Variants in C10orf53 observed in about 807,000 individuals in gnomAD.
C10orf53 encodes UPF0728 protein C10orf53.
C10orf53 carries 8 observed loss-of-function variants against 9.4 expected under a neutral mutation model. That is an observed-to-expected ratio of 0.85 (90% CI 0.50 to 1.53). C10orf53 has a LOEUF of 1.53. C10orf53 is among the 40% of genes most tolerant of loss of function. C10orf53 has a pLI of 0.00. For missense variants in C10orf53, 117 were observed against 117.8 expected, an observed-to-expected ratio of 0.99 and a Z score of 0.03; for synonymous variants, 48 against 46.0, an observed-to-expected ratio of 1.04 and a Z score of -0.18.
downstream of C10orf53, among the ~76,000 whole-genome samples, chr10:49,701,174 T>A (rs771435644): frequency 1.4e-4 from 21 of 152,124 alleles, no homozygotes; most frequent in Non-Finnish European, 2.1e-4. Flanking sequence ...CTCAAATGCG[T>A]CTCTTGAGAG....
intron 1 of C10orf53, among the ~76,000 whole-genome samples, chr10:49,692,024 G>A (rs564986970): frequency 6.6e-6 from 1 of 152,318 alleles, no homozygotes; most frequent in Admixed American, 6.5e-5. Flanking sequence ...ATGCAGCTCC[G>A]CCGTCCTGAG....
downstream of C10orf53, among the ~76,000 whole-genome samples, chr10:49,702,159 C>T (rs1177380138): frequency 6.6e-6 from 1 of 150,672 alleles, no homozygotes; most frequent in Non-Finnish European, 1.5e-5. Context: ...ATTGCACCAC[C>T]TCACTCCAGC....
At chr10:49,683,216 C>T (rs1275691113) in intron 1 of C10orf53, among the ~76,000 whole-genome samples, 1 of 152,190 alleles carries the variant, frequency 6.6e-6, no homozygotes, top group Non-Finnish European at 1.5e-5. Context: ...TTAATTACAG[C>T]CATCGCAGTA....
At chr10:49,703,726 G>A (rs1026998866) in intron 2 of C10orf53, among the ~76,000 whole-genome samples, 6 of 152,044 alleles carry the variant, frequency 3.9e-5, no homozygotes, top group East Asian at 1.9e-4. Flanking sequence ...CCTTCCTCCC[G>A]CTGGATATAA....
intron 1 of C10orf53, among the ~76,000 whole-genome samples, chr10:49,680,356 G>A (rs1463482786): frequency 6.6e-6 from 1 of 152,166 alleles, no homozygotes. Flanking sequence ...TAGCCATAAT[G>A]GGAGGGGAGA....
chr10:49,694,078 T>G, intron 2 of C10orf53, 185 bp downstream of exon 2: 4 of 760,860 alleles, frequency 5.3e-6, no homozygotes. Context: ...AACCACACAG[T>G]AAAGTGTGTG....
intron 2 of C10orf53, chr10:49,708,240 G>A (rs1178638567): frequency 7.0e-7 from 1 of 1,426,488 alleles, no homozygotes; most frequent in Non-Finnish European, 9.4e-7. Context: ...GAAATATATT[G>A]GTTTGTATAC....
downstream of C10orf53, among the ~76,000 whole-genome samples, chr10:49,701,920 G>C (rs552751886): frequency 3.0e-4 from 46 of 152,308 alleles, 1 homozygote; most frequent in African/African-American, 1.0e-3. Context: ...AACAGTGGTT[G>C]GCCGGGCGTG....
downstream of C10orf53, among the ~76,000 whole-genome samples, chr10:49,700,691 C>T (rs1840675796): frequency 6.6e-6 from 1 of 152,152 alleles, no homozygotes; most frequent in Non-Finnish European, 1.5e-5. Flanking sequence ...GCACCTACTC[C>T]TAGGGTGGAG....
intron 1 of C10orf53, among the ~76,000 whole-genome samples, chr10:49,681,924 A>C (rs1310181677): frequency 1.3e-5 from 2 of 152,192 alleles, no homozygotes; most frequent in East Asian, 3.9e-4. Context: ...GCAACAATTC[A>C]ATTCCTAGCA....
chr10:49,693,710 C>G (rs1334634907), intron 1 of C10orf53, 64 bp from the exon 2 acceptor site: 3 of 1,541,990 alleles, frequency 1.9e-6, no homozygotes, highest in Non-Finnish European at 2.7e-6. Flanking sequence ...ATGAGGACTG[C>G]TACCAGTCAG....
rs1840619493 is a variant in C10orf53 at position 49,694,783 on chromosome 10, C to T, written c.*181C>T. 3.6e-6 allele frequency: 5 copies of T among 1,402,888 alleles called. No individual in the cohort carries two copies. Among genetic ancestry groups the T allele is most frequent in the South Asian group, 3.5e-5 (2 of 57,856 alleles). The allele number at this position is 1,402,888 out of a possible 1,614,324, so 86.9% of individuals were successfully genotyped here. A position where few individuals can be genotyped will look rare whatever the true frequency, so the allele number is the denominator to read the frequency against. ...GGATTGTCACCTGGCTGCACAGGAGCCCACAGAAATAATAAAAACCACATC... is the reference window on the plus strand; with the variant it reads ...GGATTGTCACCTGGCTGCACAGGAGTCCACAGAAATAATAAAAACCACATC... On this transcript the variant is annotated 3_prime_UTR_variant, in exon 3 of 3. Transcript: ENST00000374111.
chr10:49,700,136 A>T (rs1284084507), downstream of C10orf53, among the ~76,000 whole-genome samples: 1 of 152,244 alleles, frequency 6.6e-6, no homozygotes. Flanking sequence ...TCCATAAAAA[A>T]TACTGAACAC....
At chr10:49,705,122 G>A (rs1409067440) in intron 2 of C10orf53, among the ~76,000 whole-genome samples, 3 of 152,154 alleles carry the variant, frequency 2.0e-5, no homozygotes, top group Admixed American at 2.0e-4. Flanking sequence ...GTACTGTTAT[G>A]GAAAGCTCTC....
chr10:49,698,767 G>C (rs1278175105), downstream of C10orf53, among the ~76,000 whole-genome samples: 4 of 152,152 alleles, frequency 2.6e-5, no homozygotes, highest in Non-Finnish European at 5.9e-5. Flanking sequence ...GCAGCTGTGA[G>C]TGGATGTTCC....
Position 49,694,895 on chromosome 10 carries a change from T to A in C10orf53, c.*293T>A, listed in dbSNP as rs1351751727. ...AGCTGAAGGAAACAATAAAATGCAA[T>A]CAAATAACAAGGTGCCATTCCTGAC... On this transcript the variant is annotated 3_prime_UTR_variant, in exon 3 of 3. Transcript: ENST00000374111. 8.5e-6 allele frequency: 10 copies of A among 1,181,242 alleles called. No homozygotes were observed. Among genetic ancestry groups the A allele is most frequent in the Non-Finnish European group, 1.0e-5 (10 of 953,342 alleles). 73.2% of individuals were successfully genotyped at this position (1,181,242 alleles called of 1,614,324 possible).
chr10:49,702,248 G>C (rs569703543), downstream of C10orf53, among the ~76,000 whole-genome samples: 1 of 147,790 alleles, frequency 6.8e-6, no homozygotes, highest in Non-Finnish European at 1.5e-5. Context: ...AGGGAGGGAG[G>C]GAGGGAGGGA....
exon 3 of C10orf53, chr10:49,708,392 C>A: frequency 6.2e-7 from 1 of 1,614,120 alleles, no homozygotes; most frequent in Non-Finnish European, 8.5e-7. Flanking sequence ...ACAAGAGGAC[C>A]ACCAGCAGCT....
rs772597208 is a variant in C10orf53, at chr10:49,694,531, T to C, written c.218-7T>C. Reference sequence around the variant, plus strand: ...TAACCAAAAGACAATTATATCTGTTTCCCTAGGAGGCGATGGTAAACTAGA... The same window carrying C: ...TAACCAAAAGACAATTATATCTGTTCCCCTAGGAGGCGATGGTAAACTAGA... On this transcript the variant is annotated splice_region_variant and splice_polypyrimidine_tract_variant and intron_variant, in intron 2 of 2. Coordinates refer to ENST00000374111, the MANE Select transcript of C10orf53 (RefSeq NM_001042427.3). The C allele has an allele frequency of 1.2e-6, 2 of 1,614,126 alleles. No individual in the cohort carries two copies.
Sources: allele counts gnomAD v4.1 joint callset (sites outside exome capture counted in the v4.1 genomes callset), GRCh38; gene constraint gnomAD v4.1.1; transcripts MANE v1.5; gene names NCBI Gene and HGNC (gene_info 2026-07-23, HGNC 2026-07-21).